Variants in ZNF169 observed in about 807,000 individuals in gnomAD.
ZNF169 encodes the protein zinc finger protein 169.
ZNF169 carries 11 observed loss-of-function variants against 12.0 expected under a neutral mutation model. That is an observed-to-expected ratio of 0.92 (90% CI 0.58 to 1.52). The LOEUF is 1.52. ZNF169 is among the 40% of genes most tolerant of loss of function. ZNF169 has a pLI of 0.00. For synonymous variants in ZNF169, 302 were observed against 286.5 expected (o/e 1.05, Z -0.55); for missense variants, 722 against 744.0 (o/e 0.97, Z 0.34).
At chr9:94,260,838 T>G (rs1830190716) in intron 1 of ZNF169, among the ~76,000 whole-genome samples, 1 of 69,310 alleles carries the variant, frequency 1.4e-5, no homozygotes, top group Non-Finnish European at 3.3e-5. Flanking sequence ...TTTTTTTTTT[T>G]GAGATGAAGT....
intron 2 of ZNF169, among the ~76,000 whole-genome samples, chr9:94,289,893 A>G (rs1436765043): frequency 6.6e-6 from 1 of 152,204 alleles, no homozygotes; most frequent in Non-Finnish European, 1.5e-5. Flanking sequence ...TGTAAAGAAA[A>G]CAAAGAGGCA....
chr9:94,273,258 G>A (rs1329792762), intron 1 of ZNF169, among the ~76,000 whole-genome samples: 1 of 151,408 alleles, frequency 6.6e-6, no homozygotes, highest in East Asian at 1.9e-4. Flanking sequence ...TTTGTTGCTT[G>A]TTCTTTTAGT....
chr9:94,294,952 T>C (rs1039020572), intron 4 of ZNF169: 6 of 152,260 alleles, frequency 3.9e-5, no homozygotes, highest in Admixed American at 2.0e-4. Context: ...TTTTGTTTTA[T>C]TTTTTGCTTT....
At chr9:94,279,348 G>A (rs1030886106) in intron 2 of ZNF169, among the ~76,000 whole-genome samples, 12 of 151,864 alleles carry the variant, frequency 7.9e-5, no homozygotes, top group East Asian at 3.9e-4. Context: ...CTGAGATCGC[G>A]CCACTGCACT....
At position 94,301,117 on chromosome 9, in the gene ZNF169, G is replaced by T; in HGVS notation, c.1559G>T (p.Gly520Val). ...GAGCTTTACGTAGACAGGGTGTGTG[G>T]ACAAGGACTTGGCCAGAAGTCACAC... ...EEELYVDRVC[G>V]QGLGQKSHLI... Residue 520 changes from glycine (G) to valine (V), a missense_variant, in exon 5 of 5, where the codon GGA becomes GTA. Transcript: ENST00000395395. 2 of 1,614,136 alleles carry T rather than the reference G, an allele frequency of 1.2e-6. No homozygotes were observed. Among genetic ancestry groups the T allele is most frequent in the South Asian group, 1.1e-5 (1 of 91,082 alleles).
At chr9:94,292,872 C>T (rs1017153281) in intron 3 of ZNF169, 102 bp from the exon 4 acceptor site, 11 of 987,484 alleles carry the variant, frequency 1.1e-5, no homozygotes, top group Non-Finnish European at 1.7e-5. Flanking sequence ...ACCTCCCTAC[C>T]ACCTTCTGGG....
chr9:94,301,065 C>G lies in ZNF169; in HGVS notation c.1507C>G (p.Arg503Gly). The G allele has an allele frequency of 1.9e-6, 3 of 1,613,416 alleles. No individual in the cohort carries two copies. The highest frequency in any genetic ancestry group is 2.5e-6 in the Non-Finnish European group (3 of 1,179,836). The change falls in exon 5 of 5, where the codon CGA becomes GGA. Residue 503 changes from arginine to glycine, a missense_variant. Arg to Gly is a moderately radical substitution (Grantham distance 125). Transcript: ENST00000395395. The stretch of plus-strand genomic sequence containing the variant: ...ATTTGGCTTTAAGTCGCTCCTCACC[C>G]GACACCAGAGGACACACTCAGAGGA... ...RAFGFKSLLT[R>G]HQRTHSEEEL...
intron 1 of ZNF169, among the ~76,000 whole-genome samples, chr9:94,269,567 C>G (rs933800622): frequency 7.9e-5 from 12 of 152,304 alleles, no homozygotes; most frequent in African/African-American, 2.9e-4. Flanking sequence ...CTCTCCTTAT[C>G]TCCTGGCTAG....
chr9:94,263,006 A>G (rs750662047), intron 1 of ZNF169, among the ~76,000 whole-genome samples: 1 of 152,194 alleles, frequency 6.6e-6, no homozygotes, highest in Non-Finnish European at 1.5e-5. Flanking sequence ...TTATTTCACA[A>G]CCCAGCATGT....
At chr9:94,299,668 G>A in intron 4 of ZNF169, 147 bp from the exon 5 acceptor site, 2 of 1,436,134 alleles carry the variant, frequency 1.4e-6, no homozygotes, top group South Asian at 3.1e-5. Context: ...TGTAGTGTGG[G>A]TTTTCTGTGC....
chr9:94,290,586 A>G (rs1035993157), intron 2 of ZNF169, among the ~76,000 whole-genome samples: 5 of 152,206 alleles, frequency 3.3e-5, no homozygotes, highest in African/African-American at 1.2e-4. Flanking sequence ...CCTCCTTTTT[A>G]AGGCTGAAAA....
intron 1 of ZNF169, among the ~76,000 whole-genome samples, chr9:94,261,584 G>C (rs1053660643): frequency 6.6e-5 from 10 of 152,202 alleles, no homozygotes; most frequent in Non-Finnish European, 1.3e-4. Context: ...GCAACCCCAA[G>C]TGTGGATCTC....
Position 94,266,958 on chromosome 9 carries a change from G to T in ZNF169, c.-56+7613G>T, listed in dbSNP as rs182486689. 2.0e-5 allele frequency among the ~76,000 whole-genome samples: 3 copies of T among 150,580 alleles called. No individual in the cohort carries two copies. The East Asian group carries it at 5.9e-4, about 30-fold the overall frequency. On this transcript the variant is annotated intron_variant, in intron 1 of 4. Coordinates refer to ENST00000395395, the MANE Select transcript of ZNF169 (RefSeq NM_194320.4). Reference sequence around the variant, plus strand: ...AGAGTCTCACTCTGTCACCAGGCTGGAGTGCAGTGGCGCGATCTTGGCTCA... The same window carrying T: ...AGAGTCTCACTCTGTCACCAGGCTGTAGTGCAGTGGCGCGATCTTGGCTCA...
intron 4 of ZNF169, chr9:94,294,346 G>A (rs1432111908): frequency 6.6e-6 from 1 of 152,180 alleles, no homozygotes; most frequent in Non-Finnish European, 1.5e-5. Context: ...GCTGAGGCAG[G>A]AGAATTGCTT....
chr9:94,272,130 T>A (rs1830435183), intron 1 of ZNF169, among the ~76,000 whole-genome samples: 1 of 152,190 alleles, frequency 6.6e-6, no homozygotes, highest in Admixed American at 6.5e-5. Flanking sequence ...TCTCTTATTG[T>A]CCTTTTAATG....
At chr9:94,292,925 C>CT in intron 3 of ZNF169, 49 bp from the exon 4 acceptor site, 1 of 1,533,948 alleles carries the variant, frequency 6.5e-7, no homozygotes, top group Non-Finnish European at 8.9e-7. Context: ...GAGATAGCCT[C>CT]TTAAGCCACT....
intron 2 of ZNF169, among the ~76,000 whole-genome samples, chr9:94,284,993 T>C (rs1830697295): frequency 6.6e-6 from 1 of 152,174 alleles, no homozygotes; most frequent in South Asian, 2.1e-4. Flanking sequence ...ACTGCAAAGC[T>C]ATCATAATCA....
intron 2 of ZNF169, among the ~76,000 whole-genome samples, chr9:94,279,639 C>CA (rs1172436255): frequency 0.014 from 1,920 of 136,642 alleles, 52 homozygotes; most frequent in African/African-American, 0.047. Flanking sequence ...GACTCTGTCT[C>CA]AAAAAAAAAA....
At chr9:94,261,972 A>T (rs1830215123) in intron 1 of ZNF169, among the ~76,000 whole-genome samples, 1 of 152,256 alleles carries the variant, frequency 6.6e-6, no homozygotes, top group Non-Finnish European at 1.5e-5. Context: ...AGTATCACTT[A>T]TTCAGGCTGT....
Sources: gnomAD v4.1 joint callset for allele counts (sites outside exome capture counted in the v4.1 genomes callset) on GRCh38, gnomAD v4.1.1 for gene constraint, MANE v1.5 for transcripts, NCBI Gene and HGNC (gene_info 2026-07-23, HGNC 2026-07-21) for gene names.